The following ASB5 variants were observed in gnomAD, a reference collection of about 807,000 sequenced individuals.
The protein encoded by ASB5 is ankyrin repeat and SOCS box protein 5.
Under a neutral mutation model 42.1 loss-of-function variants are expected in ASB5, and 45 were observed. The observed-to-expected ratio is 1.07, with a 90% CI of 0.84 to 1.37. ASB5 has a LOEUF of 1.37. Among genes scored for constraint, ASB5 ranks in the 40% most tolerant of loss-of-function variants. The probability of loss-of-function intolerance (pLI) is 0.00; values close to 1 mark genes in which losing one functional copy is unlikely to be tolerated. For synonymous variants in ASB5, 147 were observed against 150.6 expected, an observed-to-expected ratio of 0.98 and a Z score of 0.18; for missense variants, 402 against 399.8, an observed-to-expected ratio of 1.01 and a Z score of -0.05.
At chr4:176,243,783 C>T (rs559056843) in intron 1 of ASB5, among the ~76,000 whole-genome samples, 5 of 152,286 alleles carry the variant, frequency 3.3e-5, no homozygotes, top group African/African-American at 1.2e-4. Context: ...GTATTACAGG[C>T]ATGAGCCACT....
At chr4:176,273,913 GT>G (rs1212842324), upstream of ASB5, among the ~76,000 whole-genome samples, 5 of 152,074 alleles carry the variant, frequency 3.3e-5, no homozygotes, top group Non-Finnish European at 5.9e-5. Context: ...TTGGTTTTTT[GT>G]TTTCTTATAA....
chr4:176,272,246 C>T (rs901233473), upstream of ASB5, among the ~76,000 whole-genome samples: 3 of 152,072 alleles, frequency 2.0e-5, no homozygotes, highest in African/African-American at 7.2e-5. Context: ...AAGGTAGGGT[C>T]CAGTGATTAA....
At chr4:176,246,080 C>T (rs1225884943) in intron 1 of ASB5, among the ~76,000 whole-genome samples, 1 of 151,934 alleles carries the variant, frequency 6.6e-6, no homozygotes, top group Admixed American at 6.6e-5. Context: ...AAAAGAAATC[C>T]CCCATATTGA....
chr4:176,214,259 G>A lies in ASB5; in HGVS notation c.*1341C>T, dbSNP rs758788595. The A allele has an allele frequency of 2.6e-5, 4 of 151,796 alleles. No individual in the cohort carries two copies. The highest frequency in any genetic ancestry group is 4.8e-5 in the African/African-American group (2 of 41,334). The allele number at this position is 151,796 out of a possible 1,614,324, so 9.4% of individuals were successfully genotyped here. A position where few individuals can be genotyped will look rare whatever the true frequency, so the allele number is the denominator to read the frequency against. ...AAGAAGTCAGAAGAAAATAAGCCCT[G>A]GGTTGTTGAAAATAGTGGTCAAAAT... On this transcript the variant is annotated 3_prime_UTR_variant, in exon 7 of 7. Transcript: ENST00000296525.
At chr4:176,239,753 A>G (rs1343671091) in intron 1 of ASB5, among the ~76,000 whole-genome samples, 1 of 152,210 alleles carries the variant, frequency 6.6e-6, no homozygotes, top group African/African-American at 2.4e-5. Context: ...TGGGGAAAAA[A>G]GAAGCCATTG....
intron 6 of ASB5, among the ~76,000 whole-genome samples, chr4:176,216,302 C>CAA (rs1266992859): frequency 1.3e-5 from 2 of 151,882 alleles, no homozygotes; most frequent in Non-Finnish European, 2.9e-5. Flanking sequence ...ATATATTTAA[C>CAA]CAAAAATATA....
intron 1 of ASB5, among the ~76,000 whole-genome samples, chr4:176,231,659 CA>C (rs11362445): frequency 0.48 from 48,770 of 101,540 alleles, 9,386 homozygotes; most frequent in East Asian, 0.67. Flanking sequence ...CTTGTCTCTG[CA>C]AAAAAAAAAA....
chr4:176,242,847 T>C (rs13151120), intron 1 of ASB5, among the ~76,000 whole-genome samples: 1 of 152,182 alleles, frequency 6.6e-6, no homozygotes, highest in Admixed American at 6.5e-5. Flanking sequence ...AACTTCCAAA[T>C]AATTTTTTTT....
Position 176,245,889 on chromosome 4 carries a change from GGCCTGTC to G in ASB5, c.197-20555_197-20549del, listed in dbSNP as rs1191236831. ...CAGGGTGAGGAACATCACACACTGG[GGCCTGTC>G]GTGGGGTGGGGACTGGGGGAGGGAT... On this transcript the variant is annotated intron_variant, in intron 1 of 6. Coordinates refer to ENST00000296525, the MANE Select transcript of ASB5 (RefSeq NM_080874.4). Among the ~76,000 whole-genome samples, 13 of 152,116 alleles carry G rather than the reference GGCCTGTC, an allele frequency of 8.5e-5. No individual in the cohort carries two copies. In the East Asian group the frequency reaches 2.3e-3, roughly 27 times the overall value.
chr4:176,248,536 G>A (rs1001102568), intron 1 of ASB5, among the ~76,000 whole-genome samples: 1 of 152,044 alleles, frequency 6.6e-6, no homozygotes, highest in African/African-American at 2.4e-5. Context: ...AGAAACTGGA[G>A]ATACACAGGC....
intron 1 of ASB5, among the ~76,000 whole-genome samples, chr4:176,276,420 G>A (rs1475624336): frequency 6.6e-6 from 1 of 152,056 alleles, no homozygotes; most frequent in East Asian, 1.9e-4. Context: ...CCCCCCTCTG[G>A]TGTTAGGAAA....
chr4:176,224,842 A>G (rs1000181795), intron 2 of ASB5, among the ~76,000 whole-genome samples: 1 of 152,246 alleles, frequency 6.6e-6, no homozygotes, highest in Non-Finnish European at 1.5e-5. Flanking sequence ...TGCCCATAGC[A>G]TATTACAGAT....
intron 1 of ASB5, among the ~76,000 whole-genome samples, chr4:176,265,613 A>G (rs912361926): frequency 1.3e-5 from 2 of 152,206 alleles, no homozygotes; most frequent in Non-Finnish European, 2.9e-5. Flanking sequence ...ATTGCCCTTA[A>G]CAGAAGAGAA....
At chr4:176,237,823 A>G (rs1433725518) in intron 1 of ASB5, among the ~76,000 whole-genome samples, 1 of 152,222 alleles carries the variant, frequency 6.6e-6, no homozygotes, top group African/African-American at 2.4e-5. Flanking sequence ...CAAATGTAAA[A>G]TTGCCTGTTG....
intron 2 of ASB5, among the ~76,000 whole-genome samples, chr4:176,224,982 T>C (rs929668153): frequency 8.5e-5 from 13 of 152,226 alleles, no homozygotes; most frequent in African/African-American, 3.1e-4. Context: ...GAAAGCTCAA[T>C]CAATAACACA....
intron 1 of ASB5, among the ~76,000 whole-genome samples, chr4:176,263,650 T>C (rs1408381197): frequency 6.6e-6 from 1 of 152,174 alleles, no homozygotes; most frequent in Non-Finnish European, 1.5e-5. Context: ...ATATTTACCT[T>C]TATATAATAA....
At chr4:176,230,720 A>G (rs1168231756) in intron 1 of ASB5, among the ~76,000 whole-genome samples, 1 of 152,218 alleles carries the variant, frequency 6.6e-6, no homozygotes, top group Non-Finnish European at 1.5e-5. Context: ...AATATTAAAT[A>G]TCTTATCTTT....
At chr4:176,221,702 T>C (rs1753217622) in intron 3 of ASB5, 102 bp from the exon 4 acceptor site, 2 of 1,113,642 alleles carry the variant, frequency 1.8e-6, no homozygotes, top group South Asian at 2.1e-5. Context: ...CAGAAATACG[T>C]AGGAAAATGT....
Position 176,241,616 on chromosome 4 carries a change from T to C in ASB5, c.197-16275A>G. ...TGAGCCCAGTTCTTGCTCCATTTTA[T>C]TTTTTATTCTACTTTACTTAAACAT... On this transcript the variant is annotated intron_variant, in intron 1 of 6. Coordinates refer to ENST00000296525, the MANE Select transcript of ASB5 (RefSeq NM_080874.4). 3 of 1,403,800 alleles carry C rather than the reference T, an allele frequency of 2.1e-6. No homozygotes were observed. The South Asian group carries it at 5.2e-5, about 24-fold the overall frequency. 87.0% of individuals were successfully genotyped at this position (1,403,800 alleles called of 1,614,324 possible).
Sources: gnomAD v4.1 joint callset for allele counts (sites outside exome capture counted in the v4.1 genomes callset) on GRCh38, gnomAD v4.1.1 for gene constraint, MANE v1.5 for transcripts, NCBI Gene and HGNC (gene_info 2026-07-23, HGNC 2026-07-21) for gene names.